Variants in MCCC1 observed in about 807,000 individuals in gnomAD.
The protein encoded by MCCC1 is methylcrotonoyl-CoA carboxylase subunit alpha, mitochondrial.
MCCC1 carries 64 observed loss-of-function variants against 83.8 expected under a neutral mutation model. The ratio of observed to expected loss-of-function variants is 0.76; its 90% confidence interval spans 0.62 to 0.94. MCCC1 has a LOEUF of 0.94. Among genes scored for constraint, MCCC1 ranks in the 40% least tolerant of loss-of-function variants. The pLI is 0.00. For synonymous variants in MCCC1, 322 were observed against 315.4 expected (o/e 1.02, Z -0.22); for missense variants, 807 against 904.7 (o/e 0.89, Z 1.39).
chr3:183,098,800 G>A (rs1371505275), intron 1 of MCCC1: 1 of 158,528 alleles, frequency 6.3e-6, no homozygotes, highest in Admixed American at 6.0e-5. Context: ...CTCTGTGGAA[G>A]GTACATTTGC....
At chr3:183,069,478 C>T (rs1018363658) in intron 7 of MCCC1, among the ~76,000 whole-genome samples, 1 of 151,638 alleles carries the variant, frequency 6.6e-6, no homozygotes, top group East Asian at 1.9e-4. Context: ...TTAGAAATGC[C>T]CCCCCCTTTT....
chr3:183,115,811 C>A (rs1719577936), exon 1 of MCCC1: 1 of 152,192 alleles, frequency 6.6e-6, no homozygotes, highest in Non-Finnish European at 1.5e-5. Context: ...GAGATCACGC[C>A]ACTGCACTCC....
At chr3:183,043,690 C>G (rs1404425208) in intron 10 of MCCC1, among the ~76,000 whole-genome samples, 1 of 152,188 alleles carries the variant, frequency 6.6e-6, no homozygotes, top group Non-Finnish European at 1.5e-5. Flanking sequence ...TCCCTAAGTT[C>G]TAGTGTCCCT....
intron 7 of MCCC1, among the ~76,000 whole-genome samples, chr3:183,059,960 A>G (rs552864420): frequency 1.3e-4 from 20 of 151,850 alleles, no homozygotes; most frequent in African/African-American, 4.8e-4. Flanking sequence ...AGATGTATAT[A>G]TTTTGGTATT....
rs980880630 is a variant in MCCC1, at chr3:183,086,636, G to C, written c.369+57C>G. 4.1e-6 allele frequency: 6 copies of C among 1,469,802 alleles called. No individual in the cohort carries two copies. In the African/African-American group the frequency reaches 8.3e-5, roughly 20 times the overall value. 91.0% of individuals were successfully genotyped at this position (1,469,802 alleles called of 1,614,324 possible). On this transcript the variant is annotated intron_variant, in intron 4 of 18. Transcript: ENST00000265594. ...ATAGAAAATTTCTATAAGTAACTTTGCATCAGTTGCACAAAACGTATTCCT... is the reference window on the plus strand; with the variant it reads ...ATAGAAAATTTCTATAAGTAACTTTCCATCAGTTGCACAAAACGTATTCCT...
intron 7 of MCCC1, among the ~76,000 whole-genome samples, chr3:183,066,723 T>C (rs545771403): frequency 6.6e-5 from 10 of 152,264 alleles, no homozygotes; most frequent in Non-Finnish European, 1.0e-4. Context: ...TCATGGAAAG[T>C]TGAAATGTTC....
At chr3:183,097,783 T>C (rs969921026) in intron 1 of MCCC1, among the ~76,000 whole-genome samples, 2 of 152,306 alleles carry the variant, frequency 1.3e-5, no homozygotes, top group East Asian at 1.9e-4. Flanking sequence ...CTTTAGACAA[T>C]AGCTAAGCTT....
At chr3:183,091,508 C>CA (rs1302174580) in intron 3 of MCCC1, among the ~76,000 whole-genome samples, 4 of 152,108 alleles carry the variant, frequency 2.6e-5, no homozygotes, top group Admixed American at 2.6e-4. Flanking sequence ...GTGGAGGTTG[C>CA]AGTGAGCCAA....
chr3:183,072,614 ACT>A lies in MCCC1; in HGVS notation c.370-129_370-128del, dbSNP rs1716780627. 16 of 1,022,784 alleles carry A rather than the reference ACT, an allele frequency of 1.6e-5. No homozygotes were observed. In the East Asian group the frequency reaches 3.4e-4, roughly 22 times the overall value. The allele number at this position is 1,022,784 out of a possible 1,614,324, so 63.4% of individuals were successfully genotyped here. On this transcript the variant is annotated intron_variant, in intron 4 of 18. Transcript: ENST00000265594. ...CTGGTAATAGTATGGTCTCTATTAA[ACT>A]CTGTTTCCAAAGAAATATCTGAAAT...
Position 183,053,623 on chromosome 3 carries a change from A to G in MCCC1, c.874-1383T>C, listed in dbSNP as rs540849230. Among the ~76,000 whole-genome samples the G allele has an allele frequency of 4.6e-4, 69 of 151,218 alleles. 2 individuals are homozygous for G. The East Asian group carries it at 0.011, about 24-fold the overall frequency. ...AGTTCGAGACCAGCCTGGCCAACATAGTGAAACCCCGTCTCTACTAAAAAT... is the reference window on the plus strand; with the variant it reads ...AGTTCGAGACCAGCCTGGCCAACATGGTGAAACCCCGTCTCTACTAAAAAT... On this transcript the variant is annotated intron_variant, in intron 8 of 18. Transcript: ENST00000265594.
chr3:183,074,396 A>G (rs923270691), intron 4 of MCCC1, among the ~76,000 whole-genome samples: 2 of 152,218 alleles, frequency 1.3e-5, no homozygotes, highest in Non-Finnish European at 2.9e-5. Context: ...GACTTGGATG[A>G]TTTAATGAGT....
rs556253199 is a variant in MCCC1 at position 183,042,218 on chromosome 3, A to G, written c.1084-468T>C. 2.0e-5 allele frequency among the ~76,000 whole-genome samples: 3 copies of G among 152,348 alleles called. No individual in the cohort carries two copies. The East Asian group carries it at 5.8e-4, about 29-fold the overall frequency. On this transcript the variant is annotated intron_variant, in intron 10 of 18. Coordinates refer to ENST00000265594, the MANE Select transcript of MCCC1 (RefSeq NM_020166.5). ...GTCATCCTACGCTGTAATCTTCACC[A>G]GTAAGTGGGTGATAAAGCAAAACAG...
chr3:183,029,623 T>C (rs770593842), intron 14 of MCCC1, among the ~76,000 whole-genome samples: 2 of 152,236 alleles, frequency 1.3e-5, no homozygotes, highest in African/African-American at 4.8e-5. Context: ...CTTAAAACAG[T>C]TGGTCATTCT....
intron 4 of MCCC1, among the ~76,000 whole-genome samples, chr3:183,073,104 C>T (rs1396824080): frequency 2.0e-5 from 3 of 151,658 alleles, no homozygotes; most frequent in Non-Finnish European, 4.4e-5. Flanking sequence ...TATTTCTACA[C>T]ATTGTGAATA....
At chr3:183,039,280 G>T in intron 11 of MCCC1, 145 bp from the exon 12 acceptor site, 1 of 898,154 alleles carries the variant, frequency 1.1e-6, no homozygotes, top group Non-Finnish European at 1.8e-6. Flanking sequence ...TATTCATGAG[G>T]ACCCTGAGGT....
At chr3:183,022,290 T>G in intron 16 of MCCC1, 127 bp downstream of exon 16, 4 of 1,142,506 alleles carry the variant, frequency 3.5e-6, no homozygotes, top group African/African-American at 1.5e-5. Flanking sequence ...TGGGGGAAAC[T>G]GAGGGAAAAA....
At chr3:183,098,681 T>C (rs1373957618) in intron 1 of MCCC1, 1 of 152,378 alleles carries the variant, frequency 6.6e-6, no homozygotes, top group East Asian at 1.9e-4. Flanking sequence ...CCACCAAAGC[T>C]TAGAGCTCAA....
intron 15 of MCCC1, 170 bp from the exon 16 acceptor site, chr3:183,022,724 A>G (rs1023301488): frequency 5.0e-6 from 3 of 603,884 alleles, no homozygotes; most frequent in Non-Finnish European, 8.4e-6. Context: ...ATTCCTAACC[A>G]AGATACTTTA....
chr3:183,094,195 C>G (rs1042687017), intron 2 of MCCC1, among the ~76,000 whole-genome samples: 9 of 151,762 alleles, frequency 5.9e-5, no homozygotes, highest in African/African-American at 1.2e-4. Flanking sequence ...ATTACAGGCA[C>G]CCGCCACCAC....
Sources: allele counts gnomAD v4.1 joint callset (sites outside exome capture counted in the v4.1 genomes callset), GRCh38; gene constraint gnomAD v4.1.1; transcripts MANE v1.5; gene names NCBI Gene and HGNC (gene_info 2026-07-23, HGNC 2026-07-21).